Variants in PRKG1 observed in about 807,000 individuals in gnomAD.
PRKG1 encodes protein kinase cGMP-dependent 1, also known as cGMP-dependent protein kinase 1.
PRKG1 carries 35 observed loss-of-function variants against 88.1 expected under a neutral mutation model. The observed-to-expected ratio is 0.40, with a 90% CI of 0.30 to 0.53. PRKG1 has a LOEUF of 0.53. PRKG1 is among the 20% of genes least tolerant of loss of function. The pLI, the probability that PRKG1 is intolerant of heterozygous loss-of-function variation, is 0.59. For missense variants in PRKG1, 540 were observed against 839.8 expected (o/e 0.64, Z 4.41); for synonymous variants, 303 against 292.5 (o/e 1.04, Z -0.37).
At chr10:51,095,158 T>C (rs931071434) in intron 1 of PRKG1, among the ~76,000 whole-genome samples, 2 of 152,184 alleles carry the variant, frequency 1.3e-5, no homozygotes, top group Non-Finnish European at 2.9e-5. Flanking sequence ...GTAACATCAC[T>C]GCTAAGAGGC....
chr10:51,688,337 C>T (rs1236007746), intron 3 of PRKG1, among the ~76,000 whole-genome samples: 1 of 152,060 alleles, frequency 6.6e-6, no homozygotes, highest in Admixed American at 6.6e-5. Context: ...AGGGTATATT[C>T]TGTTCTCCTC....
intron 3 of PRKG1, among the ~76,000 whole-genome samples, chr10:51,631,729 G>A (rs188936325): frequency 9.8e-5 from 15 of 152,310 alleles, no homozygotes; most frequent in Admixed American, 9.2e-4. Context: ...TAGCGTTCGC[G>A]CTCCTGTGAG....
At chr10:52,046,831 G>A (rs1477991742) in intron 5 of PRKG1, 1 of 152,096 alleles carries the variant, frequency 6.6e-6, no homozygotes, top group Admixed American at 6.6e-5. Flanking sequence ...TTAACAAAAG[G>A]CTGCACTCTC....
At chr10:52,068,356 A>G (rs541002046) in intron 7 of PRKG1, among the ~76,000 whole-genome samples, 1 of 152,130 alleles carries the variant, frequency 6.6e-6, no homozygotes, top group South Asian at 2.1e-4. Context: ...CCCAAAAGGG[A>G]TGGGATTAAG....
At chr10:51,381,763 G>T (rs1295783900) in intron 2 of PRKG1, among the ~76,000 whole-genome samples, 2 of 152,190 alleles carry the variant, frequency 1.3e-5, no homozygotes, top group Non-Finnish European at 2.9e-5. Context: ...CATTTCTCCA[G>T]CTCAGATTTA....
chr10:51,253,746 A>C (rs1278494399), intron 2 of PRKG1, among the ~76,000 whole-genome samples: 1 of 151,936 alleles, frequency 6.6e-6, no homozygotes, highest in Non-Finnish European at 1.5e-5. Context: ...CAGAACATAG[A>C]AGTGCCCATC....
Position 51,074,848 on chromosome 10 carries a change from C to T in PRKG1, c.258C>T (p.Phe86=). The T allele has an allele frequency of 1.2e-6, 2 of 1,613,456 alleles. No individual in the cohort carries two copies. The highest frequency in any genetic ancestry group is 1.7e-6 in the Non-Finnish European group (2 of 1,179,626). ...CGATCTCCGCCGAGCCCACCGCCTTCGACATCCAGGATCTCAGCCATGTGA... is the reference window on the plus strand; with the variant it reads ...CGATCTCCGCCGAGCCCACCGCCTTTGACATCCAGGATCTCAGCCATGTGA... ...RQAISAEPTA[F]DIQDLSHVTL... The change falls in exon 1 of 18, where the codon TTC becomes TTT. Residue 86 remains phenylalanine, a synonymous_variant. Transcript: ENST00000373980.
chr10:51,960,826 G>A lies in PRKG1; in HGVS notation c.762+53256G>A, dbSNP rs1843430083. ...TGATATCCGACTTCCCCAGTTCGTG[G>A]TTCTGCCAACAAAGAGCCTGTGAAA... On this transcript the variant is annotated intron_variant, in intron 5 of 17. Transcript: ENST00000373980. Among the ~76,000 whole-genome samples, 2 of 152,146 alleles carry A rather than the reference G, an allele frequency of 1.3e-5. 1 individual carries two copies. Among genetic ancestry groups the A allele is most frequent in the South Asian group, 4.1e-4 (2 of 4,830 alleles).
chr10:51,522,752 T>C (rs1031663440), intron 3 of PRKG1, among the ~76,000 whole-genome samples: 13 of 152,154 alleles, frequency 8.5e-5, no homozygotes, highest in African/African-American at 3.1e-4. Flanking sequence ...CAATGAAAAA[T>C]CTACCTGCTT....
At chr10:51,186,954 T>TTTTATATATATATATATATA (rs1318166640) in intron 2 of PRKG1, among the ~76,000 whole-genome samples, 3 of 131,260 alleles carry the variant, frequency 2.3e-5, no homozygotes, top group African/African-American at 9.0e-5. Flanking sequence ...AGGCCCTGTG[T>TTTTATATATATATATATATA]TATATATATA....
intron 4 of PRKG1, among the ~76,000 whole-genome samples, chr10:51,817,846 T>C (rs148665206): frequency 3.3e-5 from 5 of 152,198 alleles, no homozygotes; most frequent in Admixed American, 2.6e-4. Context: ...TTCCTTCCTC[T>C]TCTTCTCTTT....
chr10:52,104,026 A>C (rs981300101), intron 7 of PRKG1, among the ~76,000 whole-genome samples: 12 of 145,222 alleles, frequency 8.3e-5, no homozygotes, highest in Non-Finnish European at 1.5e-4. Flanking sequence ...TATATATATA[A>C]TGAGATATAT....
intron 9 of PRKG1, among the ~76,000 whole-genome samples, chr10:52,224,220 C>A (rs1840321516): frequency 6.6e-6 from 1 of 152,014 alleles, no homozygotes; most frequent in Admixed American, 6.6e-5. Context: ...ACTGTTCCAG[C>A]CACTATAACT....
chr10:51,031,328 G>A (rs1246620584), intron 1 of PRKG1, among the ~76,000 whole-genome samples: 1 of 152,000 alleles, frequency 6.6e-6, no homozygotes, highest in Non-Finnish European at 1.5e-5. Context: ...GACAATGTTG[G>A]TTTTCTCAAC....
Position 51,040,443 on chromosome 10 carries a change from C to T in PRKG1, c.266+48799C>T, listed in dbSNP as rs183866033. ...AAGCAATTATTCTGCCTCAGCCTCC[C>T]GAGCAGCTGGGATTACAGGTGCCCT... On this transcript the variant is annotated intron_variant, in intron 1 of 17. Coordinates refer to the PRKG1 transcript ENST00000401604. Among the ~76,000 whole-genome samples the T allele has an allele frequency of 4.3e-3, 652 of 150,814 alleles. 3 individuals are homozygous for T. The highest frequency in any genetic ancestry group is 0.015 in the African/African-American group (623 of 41,070).
intron 4 of PRKG1, among the ~76,000 whole-genome samples, chr10:51,814,177 G>C (rs1221539076): frequency 2.0e-5 from 3 of 152,132 alleles, no homozygotes; most frequent in Non-Finnish European, 4.4e-5. Flanking sequence ...GCTATGCTCT[G>C]TGATCTTTTA....
rs115433765 is a variant in PRKG1 at position 51,610,963 on chromosome 10, A to T, written c.592+143127A>T. ...GCAAGCAGGGCTTAAAACCTAGGTG[A>T]TGGACTGATAGGTGCAGCAAACCAC... On this transcript the variant is annotated intron_variant, in intron 3 of 17. Coordinates refer to ENST00000373980, the MANE Select transcript of PRKG1 (RefSeq NM_006258.4). 1.9e-3 allele frequency among the ~76,000 whole-genome samples: 296 copies of T among 152,144 alleles called. 1 individual carries two copies. Among genetic ancestry groups the T allele is most frequent in the African/African-American group, 6.7e-3 (280 of 41,526 alleles).
At chr10:51,590,473 T>C (rs541143520) in intron 3 of PRKG1, among the ~76,000 whole-genome samples, 1 of 152,348 alleles carries the variant, frequency 6.6e-6, no homozygotes, top group South Asian at 2.1e-4. Flanking sequence ...TTTACTTTCA[T>C]ATATTCCCCA....
At chr10:51,748,915 T>C (rs759093513) in intron 3 of PRKG1, among the ~76,000 whole-genome samples, 4 of 152,242 alleles carry the variant, frequency 2.6e-5, no homozygotes, top group African/African-American at 4.8e-5. Flanking sequence ...TATTTCAGAT[T>C]ACCTTTGGTC....
Sources: gnomAD v4.1 joint callset for allele counts (sites outside exome capture counted in the v4.1 genomes callset) on GRCh38, gnomAD v4.1.1 for gene constraint, MANE v1.5 for transcripts, NCBI Gene and HGNC (gene_info 2026-07-23, HGNC 2026-07-21) for gene names.